Variants in BTBD9 observed in about 807,000 individuals in gnomAD.
BTBD9 encodes the protein BTB domain containing 9, also known as BTB/POZ domain-containing protein 9.
Under a neutral mutation model 64.3 loss-of-function variants are expected in BTBD9, and 49 were observed. The observed-to-expected ratio is 0.76, with a 90% CI of 0.61 to 0.97. The LOEUF (loss-of-function observed/expected upper bound fraction) is 0.97, where lower values mean the gene tolerates loss of function less well. Among genes scored for constraint, BTBD9 ranks in the 50% least tolerant of loss-of-function variants. The pLI is 0.00. For missense variants in BTBD9, 598 were observed against 762.1 expected, an observed-to-expected ratio of 0.78 and a Z score of 2.53; for synonymous variants, 260 against 274.7, an observed-to-expected ratio of 0.95 and a Z score of 0.53.
At position 38,170,557 on chromosome 6, in the gene BTBD9, G is replaced by A. The variant is rs2092426; in HGVS notation, c.*4428C>T. ...CAAATGACCAGGGCCTCCAAATCCC[G>A]TCCAGCCCCAGGTATGACTGGATCC... On this transcript the variant is annotated 3_prime_UTR_variant, in exon 11 of 11. Transcript: ENST00000481247. The A allele has an allele frequency of 0.52, 79,045 of 152,090 alleles. 22,484 individuals are homozygous for A. The highest frequency in any genetic ancestry group is 0.65 in the Non-Finnish European group (44,448 of 68,002). The allele number at this position is 152,090 out of a possible 1,614,324, so 9.4% of individuals were successfully genotyped here. A position where few individuals can be genotyped will look rare whatever the true frequency, so the allele number is the denominator to read the frequency against.
intron 6 of BTBD9, among the ~76,000 whole-genome samples, chr6:38,405,986 A>G (rs1406582775): frequency 2.6e-5 from 4 of 152,018 alleles, no homozygotes; most frequent in African/African-American, 9.7e-5. Flanking sequence ...GAAATCAACA[A>G]CAGTGGACAG....
intron 6 of BTBD9, among the ~76,000 whole-genome samples, chr6:38,560,032 A>G (rs1271061572): frequency 1.3e-5 from 2 of 152,208 alleles, no homozygotes; most frequent in African/African-American, 4.8e-5. Context: ...TAAAGAATTT[A>G]TGACTAAGTC....
At chr6:38,368,700 CCT>C (rs1308304373) in intron 6 of BTBD9, among the ~76,000 whole-genome samples, 1 of 152,064 alleles carries the variant, frequency 6.6e-6, no homozygotes, top group Admixed American at 6.6e-5. Context: ...CTTCTTGCCC[CCT>C]GTCCAAAATA....
At chr6:38,253,672 G>A (rs1379557698) in intron 9 of BTBD9, among the ~76,000 whole-genome samples, 1 of 152,194 alleles carries the variant, frequency 6.6e-6, no homozygotes, top group Non-Finnish European at 1.5e-5. Flanking sequence ...GGTCTGGTCT[G>A]GGAGCTGTGG....
intron 1 of BTBD9, among the ~76,000 whole-genome samples, chr6:38,619,456 A>T (rs1777911347): frequency 6.6e-6 from 1 of 152,204 alleles, no homozygotes; most frequent in African/African-American, 2.4e-5. Flanking sequence ...GTTTGCAAGG[A>T]CAGTTTAAAA....
rs906603950 is a variant in BTBD9 at position 38,178,853 on chromosome 6, T to A, written c.1642-3671A>T. ...TCTTGGACAAAGGAGGCTATTTATTTATTTATTTATTTATTTATGAGACAG... is the reference window on the plus strand; with the variant it reads ...TCTTGGACAAAGGAGGCTATTTATTAATTTATTTATTTATTTATGAGACAG... On this transcript the variant is annotated intron_variant, in intron 10 of 10. Coordinates refer to ENST00000481247, the MANE Select transcript of BTBD9 (RefSeq NM_001099272.2). 2.3e-4 allele frequency among the ~76,000 whole-genome samples: 35 copies of A among 150,868 alleles called. 1 individual carries two copies. The highest frequency in any genetic ancestry group is 1.6e-3 in the Admixed American group (24 of 15,198).
intron 7 of BTBD9, among the ~76,000 whole-genome samples, chr6:38,326,344 AT>A (rs1440666802): frequency 1.3e-5 from 2 of 152,226 alleles, no homozygotes; most frequent in Non-Finnish European, 2.9e-5. Context: ...GCATCATACC[AT>A]GCAGGGCCTT....
At chr6:38,389,650 C>G (rs1031300919) in intron 6 of BTBD9, among the ~76,000 whole-genome samples, 1 of 152,102 alleles carries the variant, frequency 6.6e-6, no homozygotes, top group Admixed American at 6.5e-5. Context: ...TTATTGTCAG[C>G]TGACATGACA....
chr6:38,178,566 G>A (rs888431185), intron 10 of BTBD9, among the ~76,000 whole-genome samples: 13 of 152,172 alleles, frequency 8.5e-5, no homozygotes, highest in East Asian at 1.9e-4. Context: ...CCAGGCAGGC[G>A]GTCAGGGAAG....
intron 6 of BTBD9, among the ~76,000 whole-genome samples, chr6:38,465,913 T>C (rs1166976645): frequency 7.0e-6 from 1 of 143,090 alleles, no homozygotes; most frequent in Non-Finnish European, 1.5e-5. Flanking sequence ...TCATTGCAGC[T>C]TCAACCTCCC....
At chr6:38,179,684 C>G (rs757848810) in intron 10 of BTBD9, 30 of 456,650 alleles carry the variant, frequency 6.6e-5, no homozygotes, top group South Asian at 4.5e-4. Flanking sequence ...TGGGAATGAA[C>G]CTCAGGGCTG....
At position 38,634,543 on chromosome 6, in the gene BTBD9, A is replaced by C. The variant is rs1369467363; in HGVS notation, c.-28+5257T>G. Among the ~76,000 whole-genome samples the C allele has an allele frequency of 3.3e-5, 5 of 152,274 alleles. No homozygotes were observed. The East Asian group carries it at 9.6e-4, about 29-fold the overall frequency. On this transcript the variant is annotated intron_variant, in intron 1 of 10. Coordinates refer to ENST00000481247, the MANE Select transcript of BTBD9 (RefSeq NM_001099272.2). Reference sequence around the variant, plus strand: ...TGGAATCCTGGCACATATTATTAAAAATTATTTTGCAAACTGGATTGTTCC... The same window carrying C: ...TGGAATCCTGGCACATATTATTAAACATTATTTTGCAAACTGGATTGTTCC...
rs1766792181 is a variant in BTBD9 at position 38,171,866 on chromosome 6, AAAAAAAAAAAAAAAAATAATAATAAT to A, written c.*3093_*3118del. On this transcript the variant is annotated 3_prime_UTR_variant, in exon 11 of 11. Coordinates refer to ENST00000481247, the MANE Select transcript of BTBD9 (RefSeq NM_001099272.2). ...ACTCTCAAAAAAAAAAAAAAAAAAA[AAAAAAAAAAAAAAAAATAATAATAAT>A]AATAATAATAATAATAATGAAAAGT... The A allele has an allele frequency of 2.3e-5, 2 of 86,636 alleles. No individual in the cohort carries two copies. Among genetic ancestry groups the A allele is most frequent in the African/African-American group, 7.4e-5 (2 of 27,038 alleles). 5.4% of individuals were successfully genotyped at this position (86,636 alleles called of 1,614,324 possible). A position where few individuals can be genotyped will look rare whatever the true frequency, so the allele number is the denominator to read the frequency against.
chr6:38,536,819 G>C lies in BTBD9; in HGVS notation c.1154+40781C>G, dbSNP rs9462441. 2.0e-5 allele frequency among the ~76,000 whole-genome samples: 3 copies of C among 152,074 alleles called. No individual in the cohort carries two copies. In the East Asian group the frequency reaches 5.8e-4, roughly 29 times the overall value. ...TAGAATCATGGTTACCAGAGGCTGA[G>C]AAGAGTGCTGGGGGTGGAGGAAAGT... On this transcript the variant is annotated intron_variant, in intron 6 of 10. Coordinates refer to ENST00000481247, the MANE Select transcript of BTBD9 (RefSeq NM_001099272.2).
At chr6:38,588,320 A>C in intron 4 of BTBD9, 1 of 998,654 alleles carries the variant, frequency 1.0e-6, no homozygotes, top group South Asian at 1.3e-5. Context: ...GCACAAATTT[A>C]TACTACCCAA....
chr6:38,537,326 G>A (rs1472454806), intron 6 of BTBD9, among the ~76,000 whole-genome samples: 1 of 152,144 alleles, frequency 6.6e-6, no homozygotes, highest in Non-Finnish European at 1.5e-5. Context: ...CCCCTATGAA[G>A]TGCTTAGATA....
At chr6:38,392,029 G>A (rs534808735) in intron 6 of BTBD9, among the ~76,000 whole-genome samples, 1 of 152,184 alleles carries the variant, frequency 6.6e-6, no homozygotes, top group South Asian at 2.1e-4. Context: ...ATCACATGGA[G>A]GAAAAAATGT....
intron 9 of BTBD9, among the ~76,000 whole-genome samples, chr6:38,239,651 A>G (rs1169883693): frequency 6.6e-6 from 1 of 152,046 alleles, no homozygotes; most frequent in Non-Finnish European, 1.5e-5. Flanking sequence ...AATATACTTG[A>G]CTTTGACTTT....
intron 9 of BTBD9, among the ~76,000 whole-genome samples, chr6:38,243,460 T>TTC (rs1764078282): frequency 6.6e-6 from 1 of 152,154 alleles, no homozygotes; most frequent in Admixed American, 6.5e-5. Context: ...AGTATAGAAA[T>TTC]TCTCTGCAAC....
Sources: allele counts gnomAD v4.1 joint callset (sites outside exome capture counted in the v4.1 genomes callset), GRCh38; gene constraint gnomAD v4.1.1; transcripts MANE v1.5; gene names NCBI Gene and HGNC (gene_info 2026-07-23, HGNC 2026-07-21).